CSMD1: variants seen among roughly 807,000 people sequenced by gnomAD.
CSMD1 encodes the protein CUB and sushi domain-containing protein 1.
A neutral mutation model predicts 417.5 loss-of-function variants in CSMD1; 213 were observed. The observed-to-expected ratio is 0.51, with a 90% confidence interval of 0.46 to 0.57. CSMD1 has a LOEUF of 0.57. Among genes scored for constraint, CSMD1 ranks in the 20% least tolerant of loss-of-function variants. The pLI is 0.00. For synonymous variants in CSMD1, 2,862 were observed against 1,736.8 expected (o/e 1.65, Z -16.11); for missense variants, 6,923 against 4,529.7 (o/e 1.53, Z -15.17).
In CSMD1 at chr8:3,101,799, C is replaced by CTTT. The variant is rs530061255; in HGVS notation, c.6949+4726_6949+4728dup. Among the ~76,000 whole-genome samples the CTTT allele has an allele frequency of 1.3e-4, 14 of 106,358 alleles. 1 individual carries two copies. Among genetic ancestry groups the CTTT allele is most frequent in the South Asian group, 1.1e-3 (3 of 2,736 alleles). The allele number at this position is 106,358 out of a possible 152,430, so 69.8% of individuals were successfully genotyped here. On this transcript the variant is annotated intron_variant, in intron 46 of 69. Coordinates refer to ENST00000635120, the MANE Select transcript of CSMD1 (RefSeq NM_033225.6). ...GTGATAATTTTGTTTCTTTCTTTTTCTTTTTTTTTTTTTTTTTTTTTAGAC... is the reference window on the plus strand; with the variant it reads ...GTGATAATTTTGTTTCTTTCTTTTTCTTTTTTTTTTTTTTTTTTTTTTTTAGAC...
intron 9 of CSMD1, among the ~76,000 whole-genome samples, chr8:3,582,075 G>A (rs892849488): frequency 3.3e-5 from 5 of 152,154 alleles, no homozygotes; most frequent in East Asian, 1.9e-4. Flanking sequence ...GATTACAGGC[G>A]TGAGCCACCG....
chr8:4,016,289 G>C (rs937953500), intron 4 of CSMD1, among the ~76,000 whole-genome samples: 2 of 152,060 alleles, frequency 1.3e-5, no homozygotes, highest in Non-Finnish European at 2.9e-5. Context: ...GATTCCAGTA[G>C]ATGGAAATAG....
Position 4,010,412 on chromosome 8 carries a change from T to C in CSMD1, c.611-12302A>G, listed in dbSNP as rs565970674. Among the ~76,000 whole-genome samples, 3 of 152,276 alleles carry C rather than the reference T, an allele frequency of 2.0e-5. No homozygotes were observed. The South Asian group carries it at 6.2e-4, about 32-fold the overall frequency. ...CTCTTCACCTCTACCTCTGCACAAA[T>C]TCTCGGTCATTTCAATGTCAACACA... On this transcript the variant is annotated intron_variant, in intron 4 of 69. Coordinates refer to ENST00000635120, the MANE Select transcript of CSMD1 (RefSeq NM_033225.6).
chr8:3,603,630 G>A (rs1200881434), intron 8 of CSMD1, among the ~76,000 whole-genome samples: 1 of 152,126 alleles, frequency 6.6e-6, no homozygotes, highest in East Asian at 1.9e-4. Flanking sequence ...AACGGATTAT[G>A]TCACAAAGGG....
At chr8:4,322,424 G>T (rs934269506) in intron 3 of CSMD1, among the ~76,000 whole-genome samples, 3 of 152,006 alleles carry the variant, frequency 2.0e-5, no homozygotes, top group African/African-American at 7.2e-5. Context: ...GACTACATAT[G>T]GCAGAATATT....
At chr8:4,985,178 T>C (rs142808839) in intron 1 of CSMD1, among the ~76,000 whole-genome samples, 2 of 151,876 alleles carry the variant, frequency 1.3e-5, no homozygotes, top group South Asian at 2.1e-4. Flanking sequence ...CATGGACACA[T>C]AGAAGGGAAC....
intron 3 of CSMD1, among the ~76,000 whole-genome samples, chr8:4,236,026 G>GTTTTTTTTTTTTTTTTTTTTTTTTTT (rs147378202): frequency 2.8e-5 from 3 of 108,086 alleles, no homozygotes; most frequent in African/African-American, 1.3e-4. Flanking sequence ...AATGGATATT[G>GTTTTTTTTTTTTTTTTTTTTTTTTTT]TTTTTTTTGT....
At chr8:4,051,511 C>G (rs1249011866) in intron 3 of CSMD1, among the ~76,000 whole-genome samples, 5 of 152,128 alleles carry the variant, frequency 3.3e-5, no homozygotes, top group Admixed American at 1.3e-4. Context: ...TTTCCATGAC[C>G]TAGCACAAAA....
intron 8 of CSMD1, among the ~76,000 whole-genome samples, chr8:3,599,715 G>A (rs1478058839): frequency 2.0e-5 from 3 of 152,122 alleles, no homozygotes; most frequent in Non-Finnish European, 2.9e-5. Context: ...TGCATGCCCA[G>A]ATTGGCGCCA....
Position 3,075,952 on chromosome 8 carries a change from G to T in CSMD1, c.7474+11145C>A, listed in dbSNP as rs991811915. On this transcript the variant is annotated intron_variant, in intron 49 of 69. Transcript: ENST00000635120. The stretch of plus-strand genomic sequence containing the variant: ...TGTAGTCCCAGCTCCTAGGGACGCT[G>T]AGGCAGGAGAATGGCATGAACCTGG... Among the ~76,000 whole-genome samples, 15 of 151,642 alleles carry T rather than the reference G, an allele frequency of 9.9e-5. 1 individual carries two copies. The highest frequency in any genetic ancestry group is 3.1e-4 in the African/African-American group (13 of 41,344).
At chr8:3,395,275 C>T (rs1811616222) in intron 17 of CSMD1, among the ~76,000 whole-genome samples, 1 of 152,180 alleles carries the variant, frequency 6.6e-6, no homozygotes, top group African/African-American at 2.4e-5. Flanking sequence ...AAATAAAAGT[C>T]TGATTCCTTC....
chr8:3,356,389 A>T (rs1033560202), intron 21 of CSMD1, among the ~76,000 whole-genome samples: 6 of 152,192 alleles, frequency 3.9e-5, no homozygotes, highest in Non-Finnish European at 8.8e-5. Context: ...GATGAAGACA[A>T]CTTGAGGCCG....
At chr8:3,524,061 A>G (rs780286526) in intron 10 of CSMD1, among the ~76,000 whole-genome samples, 2 of 132,962 alleles carry the variant, frequency 1.5e-5, no homozygotes, top group Non-Finnish European at 3.5e-5. Context: ...GTGCACACAC[A>G]TGCACACACT....
chr8:3,797,078 G>A (rs545645765), intron 5 of CSMD1, among the ~76,000 whole-genome samples: 1 of 151,768 alleles, frequency 6.6e-6, no homozygotes, highest in Non-Finnish European at 1.5e-5. Flanking sequence ...TATTAAGATG[G>A]ACTTCTCCTT....
rs543171702 is a variant in CSMD1 at position 2,957,164 on chromosome 8, T to C, written c.9814+532A>G. ...CACAAAATAAAATGTGATCCTTAAG[T>C]ATGTATTTGAATGATCAATTCATAT... is the stretch of plus-strand genomic sequence containing the variant. On this transcript the variant is annotated intron_variant, in intron 63 of 69. Transcript: ENST00000635120. 1.3e-3 allele frequency among the ~76,000 whole-genome samples: 201 copies of C among 152,304 alleles called. 1 individual carries two copies. The highest frequency in any genetic ancestry group is 4.6e-3 in the African/African-American group (190 of 41,566).
intron 3 of CSMD1, among the ~76,000 whole-genome samples, chr8:4,194,099 T>C (rs1484467383): frequency 2.0e-5 from 3 of 152,118 alleles, no homozygotes; most frequent in Non-Finnish European, 2.9e-5. Flanking sequence ...GTAAATGTTA[T>C]GGTAGGCATA....
At chr8:4,414,995 A>C (rs1209386270) in intron 3 of CSMD1, among the ~76,000 whole-genome samples, 2 of 152,182 alleles carry the variant, frequency 1.3e-5, no homozygotes, top group Non-Finnish European at 2.9e-5. Flanking sequence ...AAAATGTGAT[A>C]AATTGTCACA....
chr8:3,148,034 C>G (rs1818947851), intron 40 of CSMD1, among the ~76,000 whole-genome samples: 1 of 152,142 alleles, frequency 6.6e-6, no homozygotes, highest in Admixed American at 6.5e-5. Flanking sequence ...GTTGAAATAC[C>G]TGTCTACCTT....
At chr8:4,389,739 A>C (rs1210975408) in intron 3 of CSMD1, among the ~76,000 whole-genome samples, 1 of 152,182 alleles carries the variant, frequency 6.6e-6, no homozygotes, top group East Asian at 1.9e-4. Context: ...TGGCATGAGT[A>C]GTTACACAAA....
Sources: gnomAD v4.1 joint callset for allele counts (sites outside exome capture counted in the v4.1 genomes callset) on GRCh38, gnomAD v4.1.1 for gene constraint, MANE v1.5 for transcripts, NCBI Gene and HGNC (gene_info 2026-07-23, HGNC 2026-07-21) for gene names.